TSBP1: variants seen among roughly 807,000 people sequenced by gnomAD.
TSBP1 encodes the protein testis expressed basic protein 1.
A neutral mutation model predicts 68.8 loss-of-function variants in TSBP1; 56 were observed. The ratio of observed to expected loss-of-function variants is 0.81; its 90% CI spans 0.66 to 1.02. The LOEUF is 1.02. TSBP1 is among the 50% of genes least tolerant of loss of function. The pLI is 0.00. For synonymous variants in TSBP1, 171 were observed against 208.7 expected (o/e 0.82, Z 1.56); for missense variants, 502 against 641.2 (o/e 0.78, Z 2.34).
intron 19 of TSBP1, among the ~76,000 whole-genome samples, chr6:32,313,092 T>A (rs1265226190): frequency 6.6e-6 from 1 of 152,228 alleles, no homozygotes. Context: ...TGGCCCTACC[T>A]CCTGCTCTGC....
intron 2 of TSBP1, 107 bp from the exon 3 acceptor site, chr6:32,368,921 G>T: frequency 1.5e-6 from 2 of 1,329,458 alleles, no homozygotes; most frequent in Non-Finnish European, 2.0e-6. Context: ...TACCAAGGTG[G>T]TCCTCCTGAT....
At chr6:32,324,612 G>GACCA (rs1554194363) in intron 16 of TSBP1, 1 of 1,090,380 alleles carries the variant, frequency 9.2e-7, no homozygotes, top group East Asian at 3.0e-5. Flanking sequence ...CTCCACTAGA[G>GACCA]ACCGAGTCCT....
At chr6:32,300,049 C>T (rs1765125251) in intron 21 of TSBP1, 113 bp from the exon 25 acceptor site, 4 of 838,902 alleles carry the variant, frequency 4.8e-6, no homozygotes, top group Non-Finnish European at 8.2e-6. Flanking sequence ...GGAGGGAGCA[C>T]AAAACTCTGT....
rs1054693294 is a variant in TSBP1, at chr6:32,321,126, A to G, written c.559+1991T>C. On this transcript the variant is annotated intron_variant, in intron 18 of 22. Coordinates refer to ENST00000612031, the Ensembl canonical transcript of TSBP1. This position sits in a 1 kb window ranked among gnomAD's most constrained non-coding sequence, Gnocchi z 4.3. ...TTGATTCCATGTATTTGCTATTGTG[A>G]ATAGTTCTGTGTTTAACATAACTGT... Among the ~76,000 whole-genome samples, 8 of 152,204 alleles carry G rather than the reference A, an allele frequency of 5.3e-5. No individual in the cohort carries two copies. The highest frequency in any genetic ancestry group is 1.9e-4 in the African/African-American group (8 of 41,452).
chr6:32,362,019 G>A (rs149333365), intron 6 of TSBP1, among the ~76,000 whole-genome samples: 5,817 of 152,060 alleles, frequency 0.038, 320 homozygotes, highest in African/African-American at 0.12. Flanking sequence ...GGCCGGGCGC[G>A]GTGGCTCAAG....
chr6:32,323,145 C>T lies in TSBP1; in HGVS notation c.539-8G>A. The T allele has an allele frequency of 6.4e-7, 1 of 1,562,252 alleles. No individual in the cohort carries two copies. Among genetic ancestry groups the T allele is most frequent in the Non-Finnish European group, 8.8e-7 (1 of 1,135,878 alleles). On this transcript the variant is annotated splice_region_variant and splice_polypyrimidine_tract_variant and intron_variant, in intron 17 of 22. Transcript: ENST00000612031. ...TGGGTGCCATGGGTGGACCTAAAAA[C>T]CAAAGTAGATATTGGTGAAGATTTC...
Position 32,316,478 on chromosome 6 carries a change from T to C in TSBP1, c.560-686A>G. The C allele has an allele frequency of 7.3e-7, 1 of 1,369,854 alleles. No homozygotes were observed. The highest frequency in any genetic ancestry group is 1.0e-6 in the Non-Finnish European group (1 of 987,070). 84.9% of individuals were successfully genotyped at this position (1,369,854 alleles called of 1,614,324 possible). A position where few individuals can be genotyped will look rare whatever the true frequency, so the allele number is the denominator to read the frequency against. ...GAGCAAGTTTCCTTCTAGGGAGAGATATTTGTGTTGGGGAGAATCTTGGTA... is the reference window on the plus strand; with the variant it reads ...GAGCAAGTTTCCTTCTAGGGAGAGACATTTGTGTTGGGGAGAATCTTGGTA... On this transcript the variant is annotated intron_variant, in intron 18 of 22. Coordinates refer to ENST00000612031, the Ensembl canonical transcript of TSBP1. The surrounding 1 kb of genome is among the most constrained non-coding windows in gnomAD (Gnocchi z 4.5).
intron 19 of TSBP1, among the ~76,000 whole-genome samples, chr6:32,313,184 C>T (rs941113723): frequency 2.0e-5 from 3 of 151,902 alleles, no homozygotes; most frequent in African/African-American, 7.3e-5. Flanking sequence ...TTGCCTGAAG[C>T]ACACTCCCCC....
Position 32,335,920 on chromosome 6 carries a change from C to T in TSBP1, c.443G>A (p.Gly148Glu). The T allele has an allele frequency of 3.1e-6, 5 of 1,609,380 alleles. No homozygotes were observed. Among genetic ancestry groups the T allele is most frequent in the Non-Finnish European group, 4.2e-6 (5 of 1,177,614 alleles). ...TCAGAGAGCAAACTTACTGATAGGTCCTGTAGCTCCGGCTGTGAGAGAGAA... is the reference window on the plus strand; with the variant it reads ...TCAGAGAGCAAACTTACTGATAGGTTCTGTAGCTCCGGCTGTGAGAGAGAA... Residue 148 changes from glycine (G) to glutamate (E), a missense_variant, in exon 13 of 23, where the codon GGA (glycine) becomes GAA (glutamate). Coordinates refer to ENST00000612031, the Ensembl canonical transcript of TSBP1. This position sits in a 1 kb window ranked among gnomAD's most constrained non-coding sequence, Gnocchi z 5.5.
rs746904027 is a variant in TSBP1 at position 32,294,012 on chromosome 6, C to T, written c.661G>A (p.Glu221Lys). ...GAACAAGATTTTTTTGCAAGTTCTTCATCCATGTAACCTGTTAATATAACT... is the reference window on the plus strand; with the variant it reads ...GAACAAGATTTTTTTGCAAGTTCTTTATCCATGTAACCTGTTAATATAACT... The change falls in exon 23 of 23, where the codon GAA becomes AAA. Residue 221 changes from glutamate (E) to lysine (K), a missense_variant. Physicochemically the swap from Glu to Lys is moderately conservative, Grantham distance 56. Transcript: ENST00000612031. 4 of 1,610,630 alleles carry T rather than the reference C, an allele frequency of 2.5e-6. No individual in the cohort carries two copies. In the South Asian group the frequency reaches 4.4e-5, roughly 18 times the overall value.
chr6:32,324,513 G>A, intron 16 of TSBP1: 1 of 1,035,224 alleles, frequency 9.7e-7, no homozygotes, highest in Non-Finnish European at 1.5e-6. Flanking sequence ...CATGAATAAT[G>A]CAGAGAGGTT....
At position 32,334,918 on chromosome 6, in the gene TSBP1, C is replaced by T. The variant is rs866404776; in HGVS notation, c.472+519G>A. The stretch of plus-strand genomic sequence containing the variant: ...GCGTGGTGGTGGGTGCCTGTAGTCC[C>T]AGCTACTCGGTAGGCTAAGACAGGA... On this transcript the variant is annotated intron_variant, in intron 14 of 22. Coordinates refer to ENST00000612031, the Ensembl canonical transcript of TSBP1. Among the ~76,000 whole-genome samples the T allele has an allele frequency of 3.1e-4, 47 of 152,230 alleles. 1 individual carries two copies. The highest frequency in any genetic ancestry group is 1.1e-3 in the African/African-American group (46 of 41,524).
Position 32,299,944 on chromosome 6 carries a change from C to G in TSBP1, c.623-8G>C. ...TACCCACAGGAGTCAGTGCTAAAAA[C>G]AAAACACAAAAGAAAGATCAGTGAG... On this transcript the variant is annotated splice_polypyrimidine_tract_variant and splice_region_variant and intron_variant, in intron 21 of 22. Transcript: ENST00000612031. 6.2e-7 allele frequency: 1 copy of G among 1,607,508 alleles called. No homozygotes were observed. Among genetic ancestry groups the G allele is most frequent in the Non-Finnish European group, 8.5e-7 (1 of 1,174,428 alleles).
At position 32,328,104 on chromosome 6, in the gene TSBP1, C is replaced by T. The variant is rs532026868; in HGVS notation, c.514+2485G>A. ...AGGCGTGAGCCACCAGTGCGCCGGG[C>T]CTAATTTTTGTATTTTTAATAGAGG... is the stretch of plus-strand genomic sequence containing the variant. On this transcript the variant is annotated intron_variant, in intron 16 of 22. Coordinates refer to ENST00000612031, the Ensembl canonical transcript of TSBP1. 4.6e-5 allele frequency among the ~76,000 whole-genome samples: 7 copies of T among 151,892 alleles called. No individual in the cohort carries two copies. The South Asian group carries it at 1.0e-3, about 23-fold the overall frequency.
exon 9 of TSBP1, chr6:32,349,746 T>G (rs1377968287): frequency 6.3e-7 from 1 of 1,593,698 alleles, no homozygotes; most frequent in African/African-American, 1.3e-5. Flanking sequence ...TTACCAATAC[T>G]TGATCGAGAC....
At chr6:32,362,991 G>A (rs2223637) in intron 6 of TSBP1, among the ~76,000 whole-genome samples, 116,877 of 152,144 alleles carry the variant, frequency 0.77, 45,178 homozygotes, top group South Asian at 0.9. Flanking sequence ...GTCCGCTACG[G>A]TTATTATATT....
chr6:32,369,767 G>C (rs1774182503), intron 2 of TSBP1, 130 bp downstream of exon 2: 3 of 779,380 alleles, frequency 3.8e-6, no homozygotes, highest in Admixed American at 3.4e-5. Flanking sequence ...CTCAAGTATT[G>C]AAACAGATTC....
At chr6:32,351,604 T>C (rs1771727191) in intron 8 of TSBP1, among the ~76,000 whole-genome samples, 1 of 152,106 alleles carries the variant, frequency 6.6e-6, no homozygotes, top group South Asian at 2.1e-4. Context: ...TTGTTAGATA[T>C]AGATACAAAT....
Position 32,335,979 on chromosome 6 carries a change from A to T in TSBP1, c.431-47T>A, listed in dbSNP as rs1412079763. 1 of 1,529,404 alleles carries T rather than the reference A, an allele frequency of 6.5e-7. No individual in the cohort carries two copies. Among genetic ancestry groups the T allele is most frequent in the Non-Finnish European group, 9.0e-7 (1 of 1,110,306 alleles). The allele number at this position is 1,529,404 out of a possible 1,614,324, so 94.7% of individuals were successfully genotyped here. A position where few individuals can be genotyped will look rare whatever the true frequency, so the allele number is the denominator to read the frequency against. ...AAAGAAAAAGATATCAGTATGCTTCACCACTGTGAAGGAAATTTCCATTTC... is the reference window on the plus strand; with the variant it reads ...AAAGAAAAAGATATCAGTATGCTTCTCCACTGTGAAGGAAATTTCCATTTC... On this transcript the variant is annotated intron_variant, in intron 12 of 22. Transcript: ENST00000612031. The surrounding 1 kb of genome is among the most constrained non-coding windows in gnomAD (Gnocchi z 5.5).
Sources: allele counts gnomAD v4.1 joint callset (sites outside exome capture counted in the v4.1 genomes callset), GRCh38; gene constraint gnomAD v4.1.1; non-coding constraint Gnocchi (gnomAD v3.1); transcripts MANE v1.5; gene names NCBI Gene and HGNC (gene_info 2026-07-23, HGNC 2026-07-21).